KCNMA1: variants seen among roughly 807,000 people sequenced by gnomAD.
KCNMA1 encodes the protein potassium calcium-activated channel subfamily M alpha 1.
In KCNMA1, 29 loss-of-function variants were observed where a neutral mutation model predicts 140.0. That is an observed-to-expected ratio of 0.21 (90% CI 0.15 to 0.28). The LOEUF is 0.28. KCNMA1 is among the 10% of genes least tolerant of loss of function. The probability of loss-of-function intolerance (pLI) is 1.00; values close to 1 mark genes in which losing one functional copy is unlikely to be tolerated. For missense variants in KCNMA1, 880 were observed against 1,602.2 expected (o/e 0.55, Z 7.70); for synonymous variants, 612 against 611.9 (o/e 1.00, Z 0.00).
At chr10:77,254,597 A>T (rs2060337864) in intron 2 of KCNMA1, among the ~76,000 whole-genome samples, 1 of 152,212 alleles carries the variant, frequency 6.6e-6, no homozygotes, top group Non-Finnish European at 1.5e-5. Context: ...GATAAATCAT[A>T]TAGTACAGGT....
chr10:77,224,591 G>A (rs999571973), intron 3 of KCNMA1, among the ~76,000 whole-genome samples: 3 of 152,116 alleles, frequency 2.0e-5, no homozygotes, highest in Non-Finnish European at 4.4e-5. Flanking sequence ...CCCCACTCAG[G>A]CACCAGCTCC....
At chr10:77,633,972 CT>C (rs1295773537) in intron 1 of KCNMA1, 1 of 183,926 alleles carries the variant, frequency 5.4e-6, no homozygotes, top group African/African-American at 2.4e-5. Context: ...ACATTCTGAG[CT>C]AGAAACTTTA....
chr10:77,043,480 T>G (rs1161036075), intron 14 of KCNMA1, among the ~76,000 whole-genome samples: 1 of 152,312 alleles, frequency 6.6e-6, no homozygotes, highest in East Asian at 1.9e-4. Context: ...GGATTCATAA[T>G]TCCACTTCTA....
Position 77,101,858 on chromosome 10 carries a change from A to C in KCNMA1, c.1223+6623T>G, listed in dbSNP as rs144321538. On this transcript the variant is annotated intron_variant, in intron 9 of 27. Coordinates refer to ENST00000286628, the MANE Select transcript of KCNMA1 (RefSeq NM_001161352.2). ...AAAGAAAAGGCCTGTGGATCGGCCC[A>C]AGTCAGTATAACATGAAATCATCTC... Among the ~76,000 whole-genome samples, 54 of 152,364 alleles carry C rather than the reference A, an allele frequency of 3.5e-4. 1 individual carries two copies. The highest frequency in any genetic ancestry group is 9.8e-4 in the Admixed American group (15 of 15,310).
At chr10:76,942,357 G>C (rs1234275656) in intron 23 of KCNMA1, among the ~76,000 whole-genome samples, 1 of 152,196 alleles carries the variant, frequency 6.6e-6, no homozygotes, top group Non-Finnish European at 1.5e-5. Flanking sequence ...CCATCGCCTT[G>C]AGGGTTAGGA....
chr10:77,078,068 G>A (rs1406227088), intron 13 of KCNMA1: 2 of 152,214 alleles, frequency 1.3e-5, no homozygotes, highest in East Asian at 3.9e-4. Context: ...ACAGCAAAAT[G>A]GGCCAGCACT....
chr10:77,328,555 ATGTT>A lies in KCNMA1; in HGVS notation c.540+75303_540+75306del, dbSNP rs1358160185. ...AGAACACAGGCGTAGCTTAACTAAA[ATGTT>A]TGTCTACTCAGACACCTTGGCCCCT... is the stretch of plus-strand genomic sequence containing the variant. On this transcript the variant is annotated intron_variant, in intron 2 of 27. Transcript: ENST00000286628. 3.9e-5 allele frequency among the ~76,000 whole-genome samples: 6 copies of A among 152,342 alleles called. No individual in the cohort carries two copies. In the East Asian group the frequency reaches 5.8e-4, roughly 15 times the overall value.
At chr10:77,130,260 T>C (rs1029530319) in intron 5 of KCNMA1, among the ~76,000 whole-genome samples, 3 of 152,222 alleles carry the variant, frequency 2.0e-5, no homozygotes, top group African/African-American at 7.2e-5. Flanking sequence ...TCACTTTCAG[T>C]ACAGTATTCA....
intron 3 of KCNMA1, among the ~76,000 whole-genome samples, chr10:77,205,452 A>G (rs532967093): frequency 1.3e-5 from 2 of 152,334 alleles, no homozygotes; most frequent in South Asian, 4.1e-4. Flanking sequence ...ATAAGAATAC[A>G]TAGATGAAGA....
chr10:77,259,397 C>T (rs1372525447), intron 2 of KCNMA1, among the ~76,000 whole-genome samples: 1 of 152,042 alleles, frequency 6.6e-6, no homozygotes, highest in Non-Finnish European at 1.5e-5. Context: ...TGAAGCCATA[C>T]TCTGTGTGCA....
intron 1 of KCNMA1, among the ~76,000 whole-genome samples, chr10:77,605,428 G>C (rs568567107): frequency 3.3e-4 from 51 of 152,334 alleles, no homozygotes; most frequent in African/African-American, 1.1e-3. Flanking sequence ...AACACAACTA[G>C]GAAGTGAGCT....
intron 2 of KCNMA1, among the ~76,000 whole-genome samples, chr10:77,344,754 C>T (rs2091808168): frequency 6.6e-6 from 1 of 152,138 alleles, no homozygotes; most frequent in African/African-American, 2.4e-5. Context: ...CTGCATCACT[C>T]ATCACTACCT....
At chr10:77,110,729 C>T (rs1312375705) in intron 7 of KCNMA1, among the ~76,000 whole-genome samples, 1 of 152,234 alleles carries the variant, frequency 6.6e-6, no homozygotes, top group African/African-American at 2.4e-5. Flanking sequence ...CCTGACCTTC[C>T]TCAATGGGTT....
intron 1 of KCNMA1, among the ~76,000 whole-genome samples, chr10:77,597,297 A>G (rs970885107): frequency 1.3e-5 from 2 of 152,172 alleles, no homozygotes; most frequent in African/African-American, 2.4e-5. Context: ...TTCAGGATGA[A>G]AAACGTAGTT....
At chr10:77,552,377 C>T (rs1377972730) in intron 1 of KCNMA1, among the ~76,000 whole-genome samples, 1 of 152,184 alleles carries the variant, frequency 6.6e-6, no homozygotes, top group Non-Finnish European at 1.5e-5. Context: ...GGGTCTGCTT[C>T]CTCATATGAA....
chr10:77,271,452 C>G (rs762288857), intron 2 of KCNMA1, among the ~76,000 whole-genome samples: 9 of 152,188 alleles, frequency 5.9e-5, no homozygotes, highest in African/African-American at 2.2e-4. Context: ...AGGGCTAGAA[C>G]AGCATAACTA....
intron 2 of KCNMA1, among the ~76,000 whole-genome samples, chr10:77,258,972 T>A (rs1003711442): frequency 1.1e-4 from 16 of 147,866 alleles, no homozygotes; most frequent in Non-Finnish European, 1.1e-4. Context: ...CAAAAAAATA[T>A]ATATATAATA....
intron 1 of KCNMA1, among the ~76,000 whole-genome samples, chr10:77,570,071 A>C (rs2070340712): frequency 6.6e-6 from 1 of 151,650 alleles, no homozygotes; most frequent in Non-Finnish European, 1.5e-5. Flanking sequence ...GGCAATCATT[A>C]AAAAGTCAGG....
chr10:77,382,858 T>C (rs1603449473), intron 2 of KCNMA1, among the ~76,000 whole-genome samples: 2 of 68,532 alleles, frequency 2.9e-5, no homozygotes, highest in African/African-American at 6.5e-5. Context: ...AGAGCAAAGC[T>C]CCGTCTCAAA....
Sources: allele counts gnomAD v4.1 joint callset (sites outside exome capture counted in the v4.1 genomes callset), GRCh38; gene constraint gnomAD v4.1.1; transcripts MANE v1.5; gene names NCBI Gene and HGNC (gene_info 2026-07-23, HGNC 2026-07-21).